CADPS2: variants seen among roughly 807,000 people sequenced by gnomAD.
CADPS2 encodes calcium dependent secretion activator 2, also known as calcium-dependent secretion activator 2.
Under a neutral mutation model 172.5 loss-of-function variants are expected in CADPS2, and 93 were observed. The observed-to-expected ratio is 0.54, with a 90% CI of 0.46 to 0.64. The LOEUF (loss-of-function observed/expected upper bound fraction) is 0.64, where lower values mean the gene tolerates loss of function less well. Ranked by LOEUF, CADPS2 falls within the 30% of genes least tolerant of loss-of-function variation. CADPS2 has a pLI of 0.00. For synonymous variants in CADPS2, 546 were observed against 555.2 expected, an observed-to-expected ratio of 0.98 and a Z score of 0.23; for missense variants, 1,420 against 1,565.9, an observed-to-expected ratio of 0.91 and a Z score of 1.57.
At chr7:122,722,406 A>AG (rs2090532557) in intron 2 of CADPS2, among the ~76,000 whole-genome samples, 1 of 148,346 alleles carries the variant, frequency 6.7e-6, no homozygotes, top group African/African-American at 2.6e-5. Flanking sequence ...TAACAGACAA[A>AG]CAGAGAGCCA....
intron 3 of CADPS2, among the ~76,000 whole-genome samples, chr7:122,650,477 G>A (rs2134950767): frequency 6.6e-6 from 1 of 152,110 alleles, no homozygotes; most frequent in East Asian, 1.9e-4. Flanking sequence ...TTTAAAAAGT[G>A]GAAAGTTGGG....
At chr7:122,482,947 C>G (rs531956506) in intron 11 of CADPS2, among the ~76,000 whole-genome samples, 1 of 152,168 alleles carries the variant, frequency 6.6e-6, no homozygotes, top group Admixed American at 6.5e-5. Flanking sequence ...GGACAGTGCC[C>G]CAAACTCACA....
At chr7:122,806,732 T>C (rs1317745312) in intron 1 of CADPS2, among the ~76,000 whole-genome samples, 1 of 152,202 alleles carries the variant, frequency 6.6e-6, no homozygotes, top group African/African-American at 2.4e-5. Flanking sequence ...ACTTAGGTAA[T>C]CTTTTCTTCT....
intron 7 of CADPS2, among the ~76,000 whole-genome samples, chr7:122,565,718 C>T (rs1392877993): frequency 6.6e-6 from 1 of 152,128 alleles, no homozygotes; most frequent in Non-Finnish European, 1.5e-5. Flanking sequence ...GTATACTTGA[C>T]AAAATTATAC....
At chr7:122,640,890 C>A (rs367677226) in intron 3 of CADPS2, among the ~76,000 whole-genome samples, 2 of 149,500 alleles carry the variant, frequency 1.3e-5, no homozygotes, top group South Asian at 2.1e-4. Context: ...GCCGAGATCA[C>A]GCCACTGCAC....
At chr7:122,701,828 A>T in intron 2 of CADPS2, 1 of 1,558,708 alleles carries the variant, frequency 6.4e-7, no homozygotes, top group Non-Finnish European at 8.7e-7. Flanking sequence ...AATTCTCCAG[A>T]TTTCTTAAGT....
intron 17 of CADPS2, among the ~76,000 whole-genome samples, chr7:122,419,635 A>G (rs2048324311): frequency 6.6e-6 from 1 of 152,174 alleles, no homozygotes; most frequent in Non-Finnish European, 1.5e-5. Flanking sequence ...AACAGATGCT[A>G]AGAAGCACTG....
At chr7:122,614,466 T>C (rs2074668553) in intron 6 of CADPS2, among the ~76,000 whole-genome samples, 1 of 152,096 alleles carries the variant, frequency 6.6e-6, no homozygotes, top group Admixed American at 6.6e-5. Context: ...TCCTATAAGA[T>C]ATTTAGAATA....
At chr7:122,432,531 C>T (rs1341294265) in intron 17 of CADPS2, among the ~76,000 whole-genome samples, 2 of 150,564 alleles carry the variant, frequency 1.3e-5, no homozygotes, top group Non-Finnish European at 2.9e-5. Flanking sequence ...ATCCCAGCTA[C>T]TTGTAAAGCT....
chr7:122,868,892 G>A (rs905777014), intron 1 of CADPS2, among the ~76,000 whole-genome samples: 5 of 152,148 alleles, frequency 3.3e-5, no homozygotes, highest in African/African-American at 9.7e-5. Context: ...TTGAGCTGAA[G>A]ACTATAATAA....
Position 122,663,367 on chromosome 7 carries a change from T to C in CADPS2, c.656A>G (p.Lys219Arg), listed in dbSNP as rs1402991635. The C allele has an allele frequency of 1.3e-5, 21 of 1,613,986 alleles. No individual in the cohort carries two copies. The highest frequency in any genetic ancestry group is 1.8e-5 in the Non-Finnish European group (21 of 1,179,890). Reference sequence around the variant, plus strand: ...ACTTAGGGCCATTCTATTTGGCTGTTTGCACAAGTCCTCTTCACCTCTGTA... The same window carrying C: ...ACTTAGGGCCATTCTATTTGGCTGTCTGCACAAGTCCTCTTCACCTCTGTA... Reference protein sequence around the residue: ...AIYRGEEDLCKQPNRMALSAV... With the variant: ...AIYRGEEDLCRQPNRMALSAV... Residue 219 changes from lysine to arginine, a missense_variant, in exon 3 of 30, where the codon AAA (lysine) becomes AGA (arginine). By Grantham distance (26) the Lys-to-Arg change is conservative. Coordinates refer to ENST00000449022, the MANE Select transcript of CADPS2 (RefSeq NM_017954.11).
chr7:122,347,585 AG>A (rs1466063005), intron 27 of CADPS2, among the ~76,000 whole-genome samples: 4 of 152,218 alleles, frequency 2.6e-5, no homozygotes, highest in Non-Finnish European at 4.4e-5. Flanking sequence ...TCTCTCCTTC[AG>A]TAGCATTCAT....
At chr7:122,607,626 C>A (rs1263726755) in intron 6 of CADPS2, among the ~76,000 whole-genome samples, 2 of 152,130 alleles carry the variant, frequency 1.3e-5, no homozygotes, top group African/African-American at 4.8e-5. Context: ...CAGCTAACAT[C>A]TGGAATCTAA....
At chr7:122,711,655 AT>A (rs1232906861) in intron 2 of CADPS2, among the ~76,000 whole-genome samples, 1 of 151,646 alleles carries the variant, frequency 6.6e-6, no homozygotes, top group Non-Finnish European at 1.5e-5. Context: ...TATGTTTTAC[AT>A]TTTTTTTCTT....
intron 18 of CADPS2, among the ~76,000 whole-genome samples, chr7:122,415,774 C>T (rs947026576): frequency 2.0e-5 from 3 of 152,138 alleles, no homozygotes; most frequent in Non-Finnish European, 4.4e-5. Context: ...TCTCATGGCA[C>T]AGATCCCATC....
At chr7:122,377,077 G>A (rs2151324003) in intron 25 of CADPS2, among the ~76,000 whole-genome samples, 1 of 152,146 alleles carries the variant, frequency 6.6e-6, no homozygotes, top group South Asian at 2.1e-4. Flanking sequence ...GAGAAATTAG[G>A]CATAGAGGAA....
chr7:122,626,349 T>C (rs1344304549), intron 4 of CADPS2, among the ~76,000 whole-genome samples: 1 of 152,070 alleles, frequency 6.6e-6, no homozygotes, highest in African/African-American at 2.4e-5. Flanking sequence ...GGAAGGATGG[T>C]AACAACTGTC....
intron 8 of CADPS2, among the ~76,000 whole-genome samples, chr7:122,515,313 C>G (rs1471814764): frequency 6.6e-6 from 1 of 151,916 alleles, no homozygotes; most frequent in Non-Finnish European, 1.5e-5. Flanking sequence ...CCCTTAAAAC[C>G]CTTTGCTCCA....
intron 1 of CADPS2, among the ~76,000 whole-genome samples, chr7:122,824,163 G>C (rs149891428): frequency 1.3e-5 from 2 of 152,222 alleles, no homozygotes; most frequent in East Asian, 3.9e-4. Context: ...ACAGTAAACT[G>C]AGTGTTTGCT....
Sources: allele counts gnomAD v4.1 joint callset (sites outside exome capture counted in the v4.1 genomes callset), GRCh38; gene constraint gnomAD v4.1.1; transcripts MANE v1.5; gene names NCBI Gene and HGNC (gene_info 2026-07-23, HGNC 2026-07-21).